UBE3A: variants seen among roughly 807,000 people sequenced by gnomAD.
UBE3A encodes ubiquitin protein ligase E3A.
Under a neutral mutation model 83.4 loss-of-function variants are expected in UBE3A, and 6 were observed. The ratio of observed to expected loss-of-function variants is 0.07; its 90% CI spans 0.04 to 0.14. The LOEUF (loss-of-function observed/expected upper bound fraction) is 0.14. Ranked by LOEUF, UBE3A falls within the 10% of genes least tolerant of loss-of-function variation. The pLI, the probability that UBE3A is intolerant of heterozygous loss-of-function variation, is 1.00. For synonymous variants in UBE3A, 337 were observed against 355.4 expected, an observed-to-expected ratio of 0.95 and a Z score of 0.58; for missense variants, 456 against 1,036.1, an observed-to-expected ratio of 0.44 and a Z score of 7.69.
At chr15:25,406,104 T>C (rs988988759) in intron 3 of UBE3A, among the ~76,000 whole-genome samples, 2 of 152,218 alleles carry the variant, frequency 1.3e-5, no homozygotes, top group Non-Finnish European at 2.9e-5. Context: ...AAATATTTAT[T>C]TTCTGGCCCT....
In UBE3A at chr15:25,430,135, ATAT is replaced by A. The variant is rs1268821844; in HGVS notation, c.-165+8351_-165+8353del. The stretch of plus-strand genomic sequence containing the variant: ...AATACATATATATAAGATTATATAT[ATAT>A]TATATATATAATACATATATATAAG... On this transcript the variant is annotated intron_variant, in intron 1 of 12. Coordinates refer to ENST00000648336, the MANE Select transcript of UBE3A (RefSeq NM_130839.5). Among the ~76,000 whole-genome samples, 98 of 65,166 alleles carry A rather than the reference ATAT, an allele frequency of 1.5e-3. 2 individuals are homozygous for A. The highest frequency in any genetic ancestry group is 8.0e-3 in the African/African-American group (95 of 11,846). The allele number at this position is 65,166 out of a possible 152,430, so 42.8% of individuals were successfully genotyped here.
intron 11 of UBE3A, chr15:25,347,109 C>T (rs2075803866): frequency 1.3e-5 from 2 of 152,132 alleles, no homozygotes; most frequent in South Asian, 4.2e-4. Context: ...TGAAGACTGG[C>T]TAATGGAAGT....
chr15:25,389,413 A>C lies in UBE3A; in HGVS notation c.63-13650T>G, dbSNP rs78495679. Among the ~76,000 whole-genome samples the C allele has an allele frequency of 4.4e-3, 666 of 152,330 alleles. 3 individuals are homozygous for C. Among genetic ancestry groups the C allele is most frequent in the Middle Eastern group, 0.024 (7 of 294 alleles). On this transcript the variant is annotated intron_variant, in intron 4 of 12. Transcript: ENST00000648336. ...GATCTTGGGTTTGGTGATGACTTTTAGATACGGCACCAAAGGTACCAACCA... is the reference window on the plus strand; with the variant it reads ...GATCTTGGGTTTGGTGATGACTTTTCGATACGGCACCAAAGGTACCAACCA...
intron 4 of UBE3A, among the ~76,000 whole-genome samples, chr15:25,380,329 ATAC>A (rs2081970043): frequency 6.6e-6 from 1 of 152,054 alleles, no homozygotes; most frequent in East Asian, 1.9e-4. Flanking sequence ...GCTGTTTTTC[ATAC>A]TACAATGGCA....
intron 11 of UBE3A, among the ~76,000 whole-genome samples, chr15:25,353,832 G>C (rs1166589714): frequency 6.6e-6 from 1 of 152,116 alleles, no homozygotes; most frequent in Admixed American, 6.5e-5. Context: ...TTGCTTAAAA[G>C]CAGATAGAAC....
Position 25,354,784 on chromosome 15 carries a change from C to A in UBE3A, c.2125-101G>T. On this transcript the variant is annotated intron_variant, in intron 9 of 12. Coordinates refer to ENST00000648336, the MANE Select transcript of UBE3A (RefSeq NM_130839.5). ...CTTTTTAATTTTTCCAAGAAAAAAACATTCAAGAATATTCTTAAAAATTCA... is the reference window on the plus strand; with the variant it reads ...CTTTTTAATTTTTCCAAGAAAAAAAAATTCAAGAATATTCTTAAAAATTCA... 2.7e-6 allele frequency: 3 copies of A among 1,122,662 alleles called. No individual in the cohort carries two copies. The South Asian group carries it at 4.3e-5, about 16-fold the overall frequency. The allele number at this position is 1,122,662 out of a possible 1,614,324, so 69.5% of individuals were successfully genotyped here.
intron 11 of UBE3A, among the ~76,000 whole-genome samples, chr15:25,343,102 C>T (rs2075126681): frequency 6.6e-6 from 1 of 152,154 alleles, no homozygotes; most frequent in African/African-American, 2.4e-5. Context: ...ATCCCTTCAA[C>T]CAAGACCCCT....
chr15:25,417,389 A>C (rs543191852), intron 1 of UBE3A, among the ~76,000 whole-genome samples: 3 of 152,252 alleles, frequency 2.0e-5, no homozygotes, highest in Non-Finnish European at 4.4e-5. Flanking sequence ...CCAACAACAA[A>C]ATATTACAAT....
chr15:25,386,722 C>T (rs2083212477), intron 4 of UBE3A, among the ~76,000 whole-genome samples: 1 of 151,310 alleles, frequency 6.6e-6, no homozygotes, highest in South Asian at 2.1e-4. Flanking sequence ...AATCACCTTA[C>T]CTGTAGAGGA....
intron 6 of UBE3A, among the ~76,000 whole-genome samples, chr15:25,364,134 G>A (rs1337822079): frequency 1.3e-5 from 2 of 152,006 alleles, no homozygotes; most frequent in East Asian, 3.9e-4. Flanking sequence ...GCTGAGGTGG[G>A]AGGTCAAGGC....
At position 25,409,122 on chromosome 15, in the gene UBE3A, G is replaced by T. The variant is rs537221551; in HGVS notation, c.-15C>A. The T allele has an allele frequency of 3.8e-6, 6 of 1,595,634 alleles. No homozygotes were observed. In the South Asian group the frequency reaches 5.7e-5, roughly 15 times the overall value. ...GCTGTGGCCATTCGGTGACATCAGGGTGATCACAGCTTTGAGTCACTGATT... is the reference window on the plus strand; with the variant it reads ...GCTGTGGCCATTCGGTGACATCAGGTTGATCACAGCTTTGAGTCACTGATT... On this transcript the variant is annotated 5_prime_UTR_variant, in exon 3 of 13. Transcript: ENST00000648336.
At chr15:25,395,424 G>A (rs1166699692) in intron 4 of UBE3A, among the ~76,000 whole-genome samples, 1 of 152,152 alleles carries the variant, frequency 6.6e-6, no homozygotes, top group Non-Finnish European at 1.5e-5. Flanking sequence ...AGAGTAAACA[G>A]AAGTATAATG....
Position 25,439,014 on chromosome 15 carries a change from A to G in UBE3A, c.-690T>C, listed in dbSNP as rs1896022359. The stretch of plus-strand genomic sequence containing the variant: ...ACGGATCTCGCGGCCGCGGCGCAAG[A>G]CGGGAGGACTGGCTGGGCGGGCCGA... On this transcript the variant is annotated 5_prime_UTR_variant, in exon 1 of 13. Coordinates refer to ENST00000648336, the MANE Select transcript of UBE3A (RefSeq NM_130839.5). The G allele has an allele frequency of 6.6e-6, 1 of 151,754 alleles. No individual in the cohort carries two copies. The highest frequency in any genetic ancestry group is 2.4e-5 in the African/African-American group (1 of 41,316). The allele number at this position is 151,754 out of a possible 1,614,324, so 9.4% of individuals were successfully genotyped here. A position where few individuals can be genotyped will look rare whatever the true frequency, so the allele number is the denominator to read the frequency against.
Position 25,346,075 on chromosome 15 carries a change from T to C in UBE3A, c.2355-5847A>G, listed in dbSNP as rs571994499. 4.6e-5 allele frequency: 7 copies of C among 152,298 alleles called. No individual in the cohort carries two copies. In the South Asian group the frequency reaches 1.2e-3, roughly 27 times the overall value. 9.4% of individuals were successfully genotyped at this position (152,298 alleles called of 1,614,324 possible). A position where few individuals can be genotyped will look rare whatever the true frequency, so the allele number is the denominator to read the frequency against. On this transcript the variant is annotated intron_variant, in intron 11 of 12. Transcript: ENST00000648336. Reference sequence around the variant, plus strand: ...ATAATTGGTCCTGGCAGTGTTCACCTTTCCTGCAAGTGTTCCACAGCCCAG... The same window carrying C: ...ATAATTGGTCCTGGCAGTGTTCACCCTTCCTGCAAGTGTTCCACAGCCCAG...
chr15:25,431,487 C>T (rs550607523), intron 1 of UBE3A, among the ~76,000 whole-genome samples: 11 of 152,200 alleles, frequency 7.2e-5, no homozygotes, highest in Admixed American at 1.3e-4. Flanking sequence ...GGATTACAGA[C>T]GTGTGCCACC....
intron 5 of UBE3A, 178 bp downstream of exon 5, chr15:25,375,287 A>C: frequency 1.5e-6 from 1 of 683,702 alleles, no homozygotes; most frequent in Non-Finnish European, 2.4e-6. Flanking sequence ...TCTAATTAGC[A>C]ATGATTAGAC....
intron 1 of UBE3A, among the ~76,000 whole-genome samples, chr15:25,435,794 G>T (rs1894886957): frequency 6.6e-6 from 1 of 152,052 alleles, no homozygotes; most frequent in Non-Finnish European, 1.5e-5. Context: ...ACATTCTCTG[G>T]TAAACACTAG....
chr15:25,362,707 C>G (rs1483183750), intron 6 of UBE3A, among the ~76,000 whole-genome samples: 1 of 152,104 alleles, frequency 6.6e-6, no homozygotes, highest in Non-Finnish European at 1.5e-5. Context: ...TCTGAGGAGA[C>G]TAAAATTAGA....
At chr15:25,375,423 G>C in intron 5 of UBE3A, 42 bp downstream of exon 5, 1 of 1,602,786 alleles carries the variant, frequency 6.2e-7, no homozygotes, top group Non-Finnish European at 8.5e-7. Context: ...CTCCCACATG[G>C]TTTTCAGGCA....
Sources: allele counts gnomAD v4.1 joint callset (sites outside exome capture counted in the v4.1 genomes callset), GRCh38; gene constraint gnomAD v4.1.1; transcripts MANE v1.5; gene names NCBI Gene and HGNC (gene_info 2026-07-23, HGNC 2026-07-21).